The following AUTS2 variants were observed in gnomAD, a reference collection of about 807,000 sequenced individuals.
The protein encoded by AUTS2 is autism susceptibility gene 2 protein.
AUTS2 carries 17 observed loss-of-function variants against 112.4 expected under a neutral mutation model. The observed-to-expected ratio is 0.15, with a 90% CI of 0.10 to 0.23. The LOEUF is 0.23. Ranked by LOEUF, AUTS2 falls within the 10% of genes least tolerant of loss-of-function variation. The pLI, the probability that AUTS2 is intolerant of heterozygous loss-of-function variation, is 1.00. For synonymous variants in AUTS2, 751 were observed against 702.7 expected (o/e 1.07, Z -1.09); for missense variants, 1,510 against 1,701.6 (o/e 0.89, Z 1.98).
intron 5 of AUTS2, among the ~76,000 whole-genome samples, chr7:70,626,358 TAAAAAAAAAAAAA>T (rs10572995): frequency 8.8e-6 from 1 of 113,390 alleles, no homozygotes; most frequent in Non-Finnish European, 1.7e-5. Flanking sequence ...ACCTTGTTTC[TAAAAAAAAAAAAA>T]AAAAAAAAAA....
At chr7:70,698,437 T>C (rs922013770) in intron 5 of AUTS2, 132 bp from the exon 6 acceptor site, 1 of 717,442 alleles carries the variant, frequency 1.4e-6, no homozygotes, top group African/African-American at 1.8e-5. Context: ...TATGGATGAT[T>C]TGGGGACATT....
In AUTS2 at chr7:69,895,551, C is replaced by G. The variant is rs1021941271; in HGVS notation, c.310-3735C>G. ...TCCTCTCTCTCTCTTCTTCCCCCCC[C>G]CCGAGTGGAAAATCTCAATATTAAT... On this transcript the variant is annotated intron_variant, in intron 1 of 18. Transcript: ENST00000342771. 4.1e-4 allele frequency among the ~76,000 whole-genome samples: 61 copies of G among 147,542 alleles called. 2 individuals are homozygous for G. The highest frequency in any genetic ancestry group is 1.9e-3 in the South Asian group (8 of 4,180).
At chr7:69,666,619 A>G (rs1796057663) in intron 1 of AUTS2, among the ~76,000 whole-genome samples, 1 of 152,154 alleles carries the variant, frequency 6.6e-6, no homozygotes, top group African/African-American at 2.4e-5. Context: ...CCTGTCCTGT[A>G]AAGTCTAATG....
intron 2 of AUTS2, among the ~76,000 whole-genome samples, chr7:69,935,949 A>G (rs891381447): frequency 6.6e-6 from 1 of 152,198 alleles, no homozygotes; most frequent in Non-Finnish European, 1.5e-5. Flanking sequence ...GGCATTTAGT[A>G]TATTTCACTC....
intron 2 of AUTS2, among the ~76,000 whole-genome samples, chr7:70,003,278 AATAT>A (rs72324826): frequency 3.9e-5 from 5 of 128,020 alleles, no homozygotes; most frequent in East Asian, 4.6e-4. Flanking sequence ...TATATATGTG[AATAT>A]ATATATTATA....
chr7:70,503,254 T>C (rs1585226377), intron 5 of AUTS2, among the ~76,000 whole-genome samples: 1 of 152,266 alleles, frequency 6.6e-6, no homozygotes, highest in Non-Finnish European at 1.5e-5. Flanking sequence ...TTAATGGCTG[T>C]CACATGACAG....
At chr7:69,873,410 G>A (rs1476450192) in intron 1 of AUTS2, among the ~76,000 whole-genome samples, 1 of 146,312 alleles carries the variant, frequency 6.8e-6, no homozygotes, top group Non-Finnish European at 1.5e-5. Context: ...CGTTGGGTGG[G>A]GCTCAGGCTT....
At chr7:70,434,392 A>G (rs1795804689) in intron 4 of AUTS2, among the ~76,000 whole-genome samples, 1 of 152,218 alleles carries the variant, frequency 6.6e-6, no homozygotes. Flanking sequence ...TGGCTGCCCT[A>G]CAAGCAAATT....
rs1443356851 is a variant in AUTS2, at chr7:70,231,610, T to C, written c.660+97039T>C. Among the ~76,000 whole-genome samples the C allele has an allele frequency of 2.6e-5, 4 of 151,158 alleles. No homozygotes were observed. The East Asian group carries it at 7.9e-4, about 30-fold the overall frequency. On this transcript the variant is annotated intron_variant, in intron 4 of 18. Coordinates refer to ENST00000342771, the MANE Select transcript of AUTS2 (RefSeq NM_015570.4). Reference sequence around the variant, plus strand: ...GGCGCCCACCACCATGTCCAACTAATTTTTTTGTATTTTTAGTAGACACAG... The same window carrying C: ...GGCGCCCACCACCATGTCCAACTAACTTTTTTGTATTTTTAGTAGACACAG...
intron 2 of AUTS2, among the ~76,000 whole-genome samples, chr7:69,946,847 T>C (rs778240239): frequency 6.6e-6 from 1 of 152,298 alleles, no homozygotes; most frequent in Middle Eastern, 3.4e-3. Context: ...TGTGTTTTGT[T>C]GTTTCTTTTC....
chr7:69,905,508 C>T (rs1232698255), intron 2 of AUTS2, among the ~76,000 whole-genome samples: 2 of 152,068 alleles, frequency 1.3e-5, no homozygotes, highest in Non-Finnish European at 2.9e-5. Flanking sequence ...AAGTCCAAAG[C>T]CTAGAGAGCC....
At chr7:70,039,371 T>G (rs570327210) in intron 2 of AUTS2, among the ~76,000 whole-genome samples, 4 of 151,916 alleles carry the variant, frequency 2.6e-5, no homozygotes, top group African/African-American at 7.3e-5. Flanking sequence ...TGTTGTTGTT[T>G]TTTCTCCCCA....
At chr7:69,686,519 T>C (rs927868009) in intron 1 of AUTS2, among the ~76,000 whole-genome samples, 1 of 152,134 alleles carries the variant, frequency 6.6e-6, no homozygotes, top group Non-Finnish European at 1.5e-5. Flanking sequence ...TGACGAGAGA[T>C]TTGCAATTTC....
chr7:70,721,004 A>G (rs1786619532), intron 6 of AUTS2, among the ~76,000 whole-genome samples: 1 of 152,168 alleles, frequency 6.6e-6, no homozygotes, highest in African/African-American at 2.4e-5. Flanking sequence ...CATCGCATCT[A>G]TAAATCTGGA....
At chr7:70,309,581 T>C (rs922623706) in intron 4 of AUTS2, among the ~76,000 whole-genome samples, 1 of 152,214 alleles carries the variant, frequency 6.6e-6, no homozygotes, top group African/African-American at 2.4e-5. Context: ...CAATGAAAGC[T>C]TCAGATCACT....
rs990013121 is a variant in AUTS2 at position 70,791,321 on chromosome 7, G to A, written c.*325G>A. 7 of 202,584 alleles carry A rather than the reference G, an allele frequency of 3.5e-5. No individual in the cohort carries two copies. The highest frequency in any genetic ancestry group is 2.4e-4 in the Admixed American group (4 of 16,670). 12.5% of individuals were successfully genotyped at this position (202,584 alleles called of 1,614,324 possible). ...TAATTGTAGCGGGGGCGGTGGGGGG[G>A]AGAAGTCCACGCCATCCATCATGCA... On this transcript the variant is annotated 3_prime_UTR_variant, in exon 19 of 19. Transcript: ENST00000342771.
intron 2 of AUTS2, among the ~76,000 whole-genome samples, chr7:70,084,793 AT>A (rs1803507516): frequency 6.6e-6 from 1 of 152,114 alleles, no homozygotes; most frequent in Admixed American, 6.5e-5. Flanking sequence ...GTATACAAAT[AT>A]TTGCTTCCAG....
intron 2 of AUTS2, among the ~76,000 whole-genome samples, chr7:70,054,526 G>T (rs1801905435): frequency 6.6e-6 from 1 of 152,118 alleles, no homozygotes; most frequent in South Asian, 2.1e-4. Flanking sequence ...TCGCGGATAT[G>T]CAGTGTTTAC....
At chr7:70,734,604 A>T (rs1352588946) in intron 6 of AUTS2, among the ~76,000 whole-genome samples, 1 of 152,000 alleles carries the variant, frequency 6.6e-6, no homozygotes, top group Non-Finnish European at 1.5e-5. Context: ...TATGTATGGT[A>T]GTGTAGTTAT....
Sources: gnomAD v4.1 joint callset for allele counts (sites outside exome capture counted in the v4.1 genomes callset) on GRCh38, gnomAD v4.1.1 for gene constraint, MANE v1.5 for transcripts, NCBI Gene and HGNC (gene_info 2026-07-23, HGNC 2026-07-21) for gene names.